Variants in PRKCE observed in about 807,000 individuals in gnomAD.
The protein encoded by PRKCE is protein kinase C epsilon type.
Under a neutral mutation model 85.4 loss-of-function variants are expected in PRKCE, and 16 were observed. The observed-to-expected ratio is 0.19, with a 90% CI of 0.13 to 0.28. The LOEUF (loss-of-function observed/expected upper bound fraction) is 0.28, where lower values mean the gene tolerates loss of function less well. PRKCE is among the 10% of genes least tolerant of loss of function. The pLI, the probability that PRKCE is intolerant of heterozygous loss-of-function variation, is 1.00. For missense variants in PRKCE, 573 were observed against 975.2 expected, an observed-to-expected ratio of 0.59 and a Z score of 5.49; for synonymous variants, 388 against 371.5, an observed-to-expected ratio of 1.04 and a Z score of -0.51.
chr2:46,089,175 G>A (rs1051083121), intron 11 of PRKCE, among the ~76,000 whole-genome samples: 3 of 152,068 alleles, frequency 2.0e-5, no homozygotes, highest in African/African-American at 7.2e-5. Context: ...GTTTTCCCCA[G>A]GGCCTTCCTC....
intron 2 of PRKCE, among the ~76,000 whole-genome samples, chr2:45,949,426 G>GTTTTTTTTTTTTTT (rs34381919): frequency 8.8e-6 from 1 of 114,058 alleles, no homozygotes; most frequent in Non-Finnish European, 1.8e-5. Context: ...TTTGATTGTT[G>GTTTTTTTTTTTTTT]TTTTTTTTTT....
chr2:46,127,190 C>T (rs1673947628), intron 11 of PRKCE, among the ~76,000 whole-genome samples: 1 of 152,164 alleles, frequency 6.6e-6, no homozygotes, highest in Non-Finnish European at 1.5e-5. Flanking sequence ...ATTGTTGACC[C>T]TTGCCCTTAA....
intron 3 of PRKCE, among the ~76,000 whole-genome samples, chr2:45,977,406 G>A (rs961480305): frequency 6.6e-6 from 1 of 152,080 alleles, no homozygotes; most frequent in African/African-American, 2.4e-5. Context: ...GGAGGCCGAG[G>A]CACGCAGATT....
intron 1 of PRKCE, among the ~76,000 whole-genome samples, chr2:45,663,579 C>G (rs1001796684): frequency 2.0e-5 from 3 of 152,054 alleles, no homozygotes; most frequent in Non-Finnish European, 2.9e-5. Context: ...GTCAAGAGAT[C>G]GAGACCATCC....
At chr2:45,684,985 G>A (rs1186125299) in intron 1 of PRKCE, among the ~76,000 whole-genome samples, 1 of 152,216 alleles carries the variant, frequency 6.6e-6, no homozygotes, top group East Asian at 1.9e-4. Context: ...TTTGGCACTG[G>A]TTAGAAAGTC....
At chr2:45,708,535 G>A (rs1290924755) in intron 1 of PRKCE, among the ~76,000 whole-genome samples, 3 of 152,228 alleles carry the variant, frequency 2.0e-5, no homozygotes, top group African/African-American at 7.2e-5. Flanking sequence ...GACTGCTGTT[G>A]TCCATGTAAG....
At chr2:45,703,044 C>A (rs1247632917) in intron 1 of PRKCE, among the ~76,000 whole-genome samples, 1 of 146,692 alleles carries the variant, frequency 6.8e-6, no homozygotes, top group Non-Finnish European at 1.5e-5. Flanking sequence ...GGAAGTCAGT[C>A]CTTATTCCTA....
chr2:45,652,575 G>T lies in PRKCE; in HGVS notation c.348+127G>T. The T allele has an allele frequency of 1.1e-6, 1 of 907,214 alleles. No homozygotes were observed. The highest frequency in any genetic ancestry group is 1.8e-5 in the South Asian group (1 of 56,930). 56.2% of individuals were successfully genotyped at this position (907,214 alleles called of 1,614,324 possible). A position where few individuals can be genotyped will look rare whatever the true frequency, so the allele number is the denominator to read the frequency against. On this transcript the variant is annotated intron_variant, in intron 1 of 14. Coordinates refer to ENST00000306156, the MANE Select transcript of PRKCE (RefSeq NM_005400.3). This position sits in a 1 kb window ranked among gnomAD's most constrained non-coding sequence, Gnocchi z 7.7. ...GGGGTGTGTGTGCCTGTAAGTCTCA[G>T]TTTCCTTGGGGAGGTACACTTCACT... is the stretch of plus-strand genomic sequence containing the variant.
intron 1 of PRKCE, among the ~76,000 whole-genome samples, chr2:45,738,086 C>G (rs887416394): frequency 1.3e-5 from 2 of 152,156 alleles, no homozygotes; most frequent in Non-Finnish European, 2.9e-5. Context: ...TGTCTGGGCT[C>G]TTGGAATTTT....
chr2:46,174,686 T>G (rs1297500664), intron 14 of PRKCE, among the ~76,000 whole-genome samples: 1 of 151,982 alleles, frequency 6.6e-6, no homozygotes, highest in Admixed American at 6.6e-5. Flanking sequence ...AAAGGAGATA[T>G]GATGCTTTTT....
intron 11 of PRKCE, among the ~76,000 whole-genome samples, chr2:46,134,302 T>C (rs961558865): frequency 2.0e-5 from 3 of 152,254 alleles, no homozygotes; most frequent in African/African-American, 7.2e-5. Flanking sequence ...TAGACACTCA[T>C]AGTGGAACAG....
At chr2:46,143,192 T>C (rs1217088111) in intron 11 of PRKCE, among the ~76,000 whole-genome samples, 1 of 152,196 alleles carries the variant, frequency 6.6e-6, no homozygotes. Context: ...TTTAATGGAA[T>C]TCACAGTGCT....
chr2:46,176,269 A>G (rs1480239901), intron 14 of PRKCE, among the ~76,000 whole-genome samples: 2 of 152,104 alleles, frequency 1.3e-5, no homozygotes, highest in South Asian at 2.1e-4. Flanking sequence ...CCAGATCCCA[A>G]AGCAGTTCAA....
intron 1 of PRKCE, among the ~76,000 whole-genome samples, chr2:45,745,074 A>T (rs1319735641): frequency 1.3e-5 from 2 of 152,144 alleles, no homozygotes; most frequent in Non-Finnish European, 2.9e-5. Flanking sequence ...TTGGGGTGCT[A>T]TGGGGAGGCA....
At chr2:45,656,404 G>C (rs1229710031) in intron 1 of PRKCE, among the ~76,000 whole-genome samples, 1 of 152,240 alleles carries the variant, frequency 6.6e-6, no homozygotes, top group Non-Finnish European at 1.5e-5. Flanking sequence ...TAAAAGCCAA[G>C]CTGAGATAAT....
Position 46,153,520 on chromosome 2 carries a change from G to C in PRKCE, c.1920+2291G>C, listed in dbSNP as rs563411321. Among the ~76,000 whole-genome samples the C allele has an allele frequency of 3.3e-5, 5 of 152,288 alleles. No individual in the cohort carries two copies. In the East Asian group the frequency reaches 9.6e-4, roughly 29 times the overall value. Reference sequence around the variant, plus strand: ...GGCTGCATGGGGTGCTCTTGAGTCTGGAAATGCCTGTCCCATGAGGGGACA... The same window carrying C: ...GGCTGCATGGGGTGCTCTTGAGTCTCGAAATGCCTGTCCCATGAGGGGACA... On this transcript the variant is annotated intron_variant, in intron 13 of 14. Transcript: ENST00000306156.
chr2:45,710,622 C>T (rs542410808), intron 1 of PRKCE, among the ~76,000 whole-genome samples: 2 of 152,358 alleles, frequency 1.3e-5, no homozygotes, highest in African/African-American at 4.8e-5. Context: ...CAAGAAGTGG[C>T]AGGAGAAGGC....
intron 11 of PRKCE, among the ~76,000 whole-genome samples, chr2:46,090,768 C>T (rs905996210): frequency 3.3e-5 from 5 of 152,064 alleles, no homozygotes; most frequent in Admixed American, 6.5e-5. Flanking sequence ...GTGGGGAGGT[C>T]TATATGAGGT....
At chr2:45,687,727 G>C (rs2104013184) in intron 1 of PRKCE, among the ~76,000 whole-genome samples, 2 of 152,352 alleles carry the variant, frequency 1.3e-5, no homozygotes, top group Middle Eastern at 6.8e-3. Flanking sequence ...GAGCACCTCA[G>C]AAACAAGCTA....
Sources: allele counts gnomAD v4.1 joint callset (sites outside exome capture counted in the v4.1 genomes callset), GRCh38; gene constraint gnomAD v4.1.1; non-coding constraint Gnocchi (gnomAD v3.1); transcripts MANE v1.5; gene names NCBI Gene and HGNC (gene_info 2026-07-23, HGNC 2026-07-21).